The following PDE3B variants were observed in gnomAD, a reference collection of about 807,000 sequenced individuals.
PDE3B encodes phosphodiesterase 3B.
PDE3B carries 66 observed loss-of-function variants against 116.8 expected under a neutral mutation model. The ratio of observed to expected loss-of-function variants is 0.56; its 90% CI spans 0.46 to 0.69. The LOEUF (loss-of-function observed/expected upper bound fraction) is 0.69, where lower values mean the gene tolerates loss of function less well. Among genes scored for constraint, PDE3B ranks in the 30% least tolerant of loss-of-function variants. The pLI is 0.00. For synonymous variants in PDE3B, 595 were observed against 533.6 expected (o/e 1.12, Z -1.59); for missense variants, 1,384 against 1,368.1 (o/e 1.01, Z -0.18).
At chr11:14,860,306 CTTCCTA>C (rs1847923916) in intron 13 of PDE3B, among the ~76,000 whole-genome samples, 1 of 151,948 alleles carries the variant, frequency 6.6e-6, no homozygotes, top group Non-Finnish European at 1.5e-5. Flanking sequence ...GGGCTCTAGA[CTTCCTA>C]TTAAGTTTCA....
rs1854424610 is a variant in PDE3B at position 14,673,175 on chromosome 11, A to G, written c.978+28122A>G. 3.3e-5 allele frequency among the ~76,000 whole-genome samples: 5 copies of G among 152,138 alleles called. No homozygotes were observed. The South Asian group carries it at 1.0e-3, about 31-fold the overall frequency. On this transcript the variant is annotated intron_variant, in intron 1 of 15. Transcript: ENST00000282096. Reference sequence around the variant, plus strand: ...CTTTACTTTAAGCACCATAAAAAAAAAAAGCACAAATGGATGAGTGTGTTC... The same window carrying G: ...CTTTACTTTAAGCACCATAAAAAAAGAAAGCACAAATGGATGAGTGTGTTC...
chr11:14,831,757 TC>T lies in PDE3B; in HGVS notation c.2075del (p.Ser692Ter). On this transcript the variant is annotated frameshift_variant, in exon 9 of 16. Coordinates refer to ENST00000282096, the MANE Select transcript of PDE3B (RefSeq NM_000922.4). LOFTEE classifies it high-confidence loss of function. ...ACTTGTAGAAAAGATGGGAGAGAAA[TC>T]AGGAAGGATTCTCAGTCAGGTTTGC... ...FELVEKMGEK[S>X]GRILSQVMYT... The T allele has an allele frequency of 6.2e-7, 1 of 1,603,462 alleles. No individual in the cohort carries two copies. Among genetic ancestry groups the T allele is most frequent in the Non-Finnish European group, 8.5e-7 (1 of 1,174,164 alleles).
At chr11:14,815,054 T>C (rs866436964) in intron 5 of PDE3B, among the ~76,000 whole-genome samples, 12 of 150,792 alleles carry the variant, frequency 8.0e-5, no homozygotes, top group Middle Eastern at 3.2e-3. Flanking sequence ...GGAGAATTGC[T>C]TGAACCCAAC....
chr11:14,878,053 AT>A, the PDE3B span: 1 of 1,534,106 alleles, frequency 6.5e-7, no homozygotes, highest in Non-Finnish European at 8.9e-7. Flanking sequence ...ACACACATTG[AT>A]TTGATTAAAC....
intron 1 of PDE3B, among the ~76,000 whole-genome samples, chr11:14,668,351 C>T (rs1248447324): frequency 6.6e-6 from 1 of 152,114 alleles, no homozygotes; most frequent in Non-Finnish European, 1.5e-5. Flanking sequence ...ATCCTTTCCT[C>T]ACTTTTGAGT....
At chr11:14,692,447 A>G (rs1855069733) in intron 1 of PDE3B, among the ~76,000 whole-genome samples, 2 of 152,106 alleles carry the variant, frequency 1.3e-5, no homozygotes. Flanking sequence ...GTTTTTCACA[A>G]ATTGGAGGTT....
chr11:14,662,993 A>C (rs1853986039), intron 1 of PDE3B, among the ~76,000 whole-genome samples: 1 of 151,996 alleles, frequency 6.6e-6, no homozygotes, highest in Non-Finnish European at 1.5e-5. Context: ...AGCAACTCCA[A>C]GACACATAAT....
At chr11:14,830,580 G>T (rs1478311506) in intron 7 of PDE3B, 118 bp from the exon 8 acceptor site, 1 of 450,384 alleles carries the variant, frequency 2.2e-6, no homozygotes, top group South Asian at 6.8e-5. Context: ...AAATAATTTA[G>T]ATTGAACTCC....
intron 1 of PDE3B, among the ~76,000 whole-genome samples, chr11:14,749,267 G>A (rs1406738591): frequency 6.6e-6 from 1 of 152,102 alleles, no homozygotes; most frequent in Non-Finnish European, 1.5e-5. Flanking sequence ...TAATATTCAT[G>A]TAGAAAGAGA....
chr11:14,876,414 G>A (rs1848189876), downstream of PDE3B, among the ~76,000 whole-genome samples: 1 of 152,120 alleles, frequency 6.6e-6, no homozygotes, highest in Non-Finnish European at 1.5e-5. Context: ...AGCAAGTGAG[G>A]CAGACACTAT....
At chr11:14,814,307 A>AT (rs1302419374) in intron 5 of PDE3B, among the ~76,000 whole-genome samples, 4 of 152,204 alleles carry the variant, frequency 2.6e-5, no homozygotes, top group Non-Finnish European at 5.9e-5. Context: ...GGAAAGGAAG[A>AT]TATAAACCCT....
At chr11:14,824,249 T>G (rs527237969) in intron 7 of PDE3B, among the ~76,000 whole-genome samples, 1 of 152,280 alleles carries the variant, frequency 6.6e-6, no homozygotes, top group South Asian at 2.1e-4. Flanking sequence ...ATGGTCAGTA[T>G]CTTATGACCT....
rs1011639188 is a variant in PDE3B at position 14,645,186 on chromosome 11, G to T, written c.978+133G>T. ...AAAAAGGGTGTGTTGCGGGGGGGGG[G>T]GGGGAGGAAATAATGTTTTATTCTG... On this transcript the variant is annotated intron_variant, in intron 1 of 15. Transcript: ENST00000282096. 6 of 370,198 alleles carry T rather than the reference G, an allele frequency of 1.6e-5. No homozygotes were observed. In the Admixed American group the frequency reaches 2.4e-4, roughly 15 times the overall value. The allele number at this position is 370,198 out of a possible 1,614,324, so 22.9% of individuals were successfully genotyped here.
chr11:14,896,362 A>G, the PDE3B span, among the ~76,000 whole-genome samples: 1 of 152,114 alleles, frequency 6.6e-6, no homozygotes, highest in Admixed American at 6.5e-5. Context: ...ATTCACCACA[A>G]ATGTATTGGG....
chr11:14,816,963 T>C (rs1008229934), intron 5 of PDE3B, among the ~76,000 whole-genome samples: 1 of 152,316 alleles, frequency 6.6e-6, no homozygotes, highest in Admixed American at 6.5e-5. Context: ...TTATAAGTCA[T>C]GCTGCTGTAA....
chr11:14,850,084 G>C (rs372193909), intron 12 of PDE3B, among the ~76,000 whole-genome samples: 1 of 151,824 alleles, frequency 6.6e-6, no homozygotes, highest in Non-Finnish European at 1.5e-5. Flanking sequence ...ACTTGGAACC[G>C]ACCCAAATGT....
intron 5 of PDE3B, among the ~76,000 whole-genome samples, chr11:14,804,466 T>A (rs1433775485): frequency 1.3e-5 from 2 of 152,064 alleles, no homozygotes; most frequent in Non-Finnish European, 1.5e-5. Context: ...GAATTTTTTT[T>A]AATTAAAAGA....
At chr11:14,677,961 G>C (rs1565087956) in intron 1 of PDE3B, among the ~76,000 whole-genome samples, 1 of 152,130 alleles carries the variant, frequency 6.6e-6, no homozygotes, top group African/African-American at 2.4e-5. Flanking sequence ...GTTTTGGTCT[G>C]TTGCCCAGGC....
At chr11:14,827,609 G>T (rs1375371733) in intron 7 of PDE3B, among the ~76,000 whole-genome samples, 1 of 152,034 alleles carries the variant, frequency 6.6e-6, no homozygotes, top group Non-Finnish European at 1.5e-5. Context: ...AGCTAATCAG[G>T]GAGGTTAAAG....
Sources: gnomAD v4.1 joint callset for allele counts (sites outside exome capture counted in the v4.1 genomes callset) on GRCh38, gnomAD v4.1.1 for gene constraint, MANE v1.5 for transcripts, NCBI Gene and HGNC (gene_info 2026-07-23, HGNC 2026-07-21) for gene names.